The following MGAT5B variants were observed in gnomAD, a reference collection of about 807,000 sequenced individuals.
The protein encoded by MGAT5B is alpha-1,6-mannosylglycoprotein 6-beta-N-acetylglucosaminyltransferase B.
MGAT5B carries 54 observed loss-of-function variants against 95.1 expected under a neutral mutation model. That is an observed-to-expected ratio of 0.57 (90% CI 0.46 to 0.71). MGAT5B has a LOEUF of 0.71. Ranked by LOEUF, MGAT5B falls within the 30% of genes least tolerant of loss-of-function variation. MGAT5B has a pLI of 0.00. For synonymous variants in MGAT5B, 464 were observed against 451.0 expected (o/e 1.03, Z -0.36); for missense variants, 935 against 1,088.6 (o/e 0.86, Z 1.99).
intron 3 of MGAT5B, among the ~76,000 whole-genome samples, chr17:76,887,878 T>A (rs553624811): frequency 6.6e-6 from 1 of 151,850 alleles, no homozygotes. Flanking sequence ...TTCTAAGTCA[T>A]CAATAAGTGT....
At chr17:76,934,737 T>G (rs1969599380) in intron 12 of MGAT5B, among the ~76,000 whole-genome samples, 1 of 152,240 alleles carries the variant, frequency 6.6e-6, no homozygotes, top group Non-Finnish European at 1.5e-5. Flanking sequence ...CTGGAACTTC[T>G]GTGATAGCCC....
chr17:76,916,710 G>A lies in MGAT5B; in HGVS notation c.1026-8256G>A, dbSNP rs77784873. On this transcript the variant is annotated intron_variant, in intron 8 of 17. Coordinates refer to ENST00000569840, the MANE Select transcript of MGAT5B (RefSeq NM_001199172.2). This position sits in a 1 kb window ranked among gnomAD's most constrained non-coding sequence, Gnocchi z 5.3. ...CGGAGGCAGGATTCATCCCTGGGGA[G>A]GAGGCATCAGGGCCTCTGTGAATCT... Among the ~76,000 whole-genome samples, 1,432 of 152,320 alleles carry A rather than the reference G, an allele frequency of 9.4e-3. 27 individuals carry two copies. Among genetic ancestry groups the A allele is most frequent in the African/African-American group, 0.033 (1,374 of 41,574 alleles).
intron 3 of MGAT5B, chr17:76,882,539 G>T: frequency 2.3e-6 from 1 of 438,552 alleles, no homozygotes; most frequent in Non-Finnish European, 3.9e-6. Context: ...GCCTTTTAAT[G>T]ACTTCTCCCT....
Position 76,926,663 on chromosome 17 carries a change from G to A in MGAT5B, c.1224G>A (p.Thr408=), listed in dbSNP as rs763932831. Residue 408 remains threonine (T), a synonymous_variant, in exon 10 of 18, where the codon ACG becomes ACA. Transcript: ENST00000569840. ...EPAYNHEEYA[T]LHGYRTNWGY... is the part of the protein sequence containing the mutation. ...CGTACAACCACGAGGAGTACGCCAC[G>A]CTGCACGGCTACCGGACCAACTGGG... 128 of 1,612,592 alleles carry A rather than the reference G, an allele frequency of 7.9e-5. No homozygotes were observed. Among genetic ancestry groups the A allele is most frequent in the Non-Finnish European group, 1.1e-4 (124 of 1,179,936 alleles).
rs1355545491 is a variant in MGAT5B, at chr17:76,916,917, G to A, written c.1026-8049G>A. Among the ~76,000 whole-genome samples, 1 of 152,148 alleles carries A rather than the reference G, an allele frequency of 6.6e-6. No homozygotes were observed. The highest frequency in any genetic ancestry group is 1.5e-5 in the Non-Finnish European group (1 of 68,032). The stretch of plus-strand genomic sequence containing the variant: ...CACCCACGGGAAGGGTCAAACTCAG[G>A]GGTTCCCGCCTCTTAGAAACTGGGG... On this transcript the variant is annotated intron_variant, in intron 8 of 17. Transcript: ENST00000569840. This position sits in a 1 kb window ranked among gnomAD's most constrained non-coding sequence, Gnocchi z 5.3.
At chr17:76,913,135 GTCAAGCAT>G (rs1968803555) in intron 8 of MGAT5B, among the ~76,000 whole-genome samples, 1 of 152,222 alleles carries the variant, frequency 6.6e-6, no homozygotes, top group Non-Finnish European at 1.5e-5. Context: ...ACTCCTGGCT[GTCAAGCAT>G]GCAGCCAGGC....
chr17:76,879,933 T>A (rs1297139130), intron 2 of MGAT5B, among the ~76,000 whole-genome samples: 1 of 152,026 alleles, frequency 6.6e-6, no homozygotes, highest in Non-Finnish European at 1.5e-5. Flanking sequence ...ACCGATTGAG[T>A]GTGTGAGTGC....
chr17:76,892,294 C>T (rs1400843515), intron 3 of MGAT5B, among the ~76,000 whole-genome samples: 7 of 152,238 alleles, frequency 4.6e-5, no homozygotes, highest in East Asian at 1.9e-4. Flanking sequence ...GTGATCCGCC[C>T]GCCCCGGCCT....
chr17:76,906,091 C>A lies in MGAT5B; in HGVS notation c.929C>A (p.Pro310His). The change falls in exon 8 of 18, where the codon CCC becomes CAC. Residue 310 changes from proline to histidine, a missense_variant. Pro to His is a moderately conservative substitution (Grantham distance 77). Coordinates refer to ENST00000569840, the MANE Select transcript of MGAT5B (RefSeq NM_001199172.2). The surrounding 1 kb of genome is among the most constrained non-coding windows in gnomAD (Gnocchi z 4.6). Reference protein sequence around the residue: ...VFSPRVLKGGPLGEMVQWADI... With the variant: ...VFSPRVLKGGHLGEMVQWADI... ...AGCCCTCGGGTCCTGAAGGGCGGGC[C>A]CCTAGGGGAGATGGTGCAGTGGGCG... 1 of 1,607,748 alleles carries A rather than the reference C, an allele frequency of 6.2e-7. No homozygotes were observed. Among genetic ancestry groups the A allele is most frequent in the East Asian group, 2.3e-5 (1 of 44,154 alleles).
Position 76,923,133 on chromosome 17 carries a change from A to G in MGAT5B, c.1026-1833A>G, listed in dbSNP as rs1011434603. Reference sequence around the variant, plus strand: ...ACGGTGTGCTAACGGGATGGTGCGCACAGTCCCCTCCCCGAGCTTCTGAGC... The same window carrying G: ...ACGGTGTGCTAACGGGATGGTGCGCGCAGTCCCCTCCCCGAGCTTCTGAGC... On this transcript the variant is annotated intron_variant, in intron 8 of 17. Transcript: ENST00000569840. 2.0e-5 allele frequency among the ~76,000 whole-genome samples: 3 copies of G among 152,310 alleles called. No homozygotes were observed. In the East Asian group the frequency reaches 5.8e-4, roughly 29 times the overall value.
At chr17:76,888,275 C>T (rs1967735451) in intron 3 of MGAT5B, among the ~76,000 whole-genome samples, 1 of 152,054 alleles carries the variant, frequency 6.6e-6, no homozygotes, top group Non-Finnish European at 1.5e-5. Flanking sequence ...AGTGCGAATG[C>T]AAGCCAGGCT....
intron 3 of MGAT5B, among the ~76,000 whole-genome samples, chr17:76,891,663 A>C (rs1003742517): frequency 6.6e-6 from 1 of 152,198 alleles, no homozygotes; most frequent in Non-Finnish European, 1.5e-5. Flanking sequence ...TACAGGCGTG[A>C]GCCACTGCGC....
intron 8 of MGAT5B, among the ~76,000 whole-genome samples, chr17:76,922,223 A>T (rs1251665760): frequency 1.3e-5 from 2 of 152,230 alleles, no homozygotes; most frequent in African/African-American, 2.4e-5. Flanking sequence ...TTCCTGGTGC[A>T]GGTAGCAGCT....
intron 15 of MGAT5B, 48 bp from the exon 16 acceptor site, chr17:76,946,328 A>G (rs1294475401): frequency 6.5e-7 from 1 of 1,530,170 alleles, no homozygotes; most frequent in Non-Finnish European, 8.9e-7. Context: ...AGGGCCCCCG[A>G]CGGCTGGGCC....
intron 8 of MGAT5B, among the ~76,000 whole-genome samples, chr17:76,911,690 CCAGG>C (rs1968742665): frequency 6.6e-6 from 1 of 152,234 alleles, no homozygotes; most frequent in Non-Finnish European, 1.5e-5. Flanking sequence ...CTGTGAGCTC[CCAGG>C]CACATTCCCT....
At chr17:76,925,154 T>G (rs1351463528) in intron 9 of MGAT5B, 57 bp downstream of exon 9, 34 of 1,601,882 alleles carry the variant, frequency 2.1e-5, no homozygotes, top group Non-Finnish European at 2.7e-5. Context: ...AGAAAGCTCC[T>G]CCTTCACGCC....
chr17:76,898,491 G>C (rs1425916677), intron 3 of MGAT5B, among the ~76,000 whole-genome samples: 2 of 151,754 alleles, frequency 1.3e-5, no homozygotes, highest in Non-Finnish European at 2.9e-5. Context: ...ACCACACCCG[G>C]CTAATTTTTT....
chr17:76,933,214 A>C, intron 11 of MGAT5B, 78 bp from the exon 12 acceptor site: 1 of 1,581,890 alleles, frequency 6.3e-7, no homozygotes, highest in African/African-American at 1.3e-5. Flanking sequence ...AGCTGCCTGC[A>C]TGGGGTGTTG....
At chr17:76,876,820 C>T (rs1285910500) in intron 2 of MGAT5B, among the ~76,000 whole-genome samples, 1 of 152,212 alleles carries the variant, frequency 6.6e-6, no homozygotes, top group African/African-American at 2.4e-5. Flanking sequence ...GGAGATCTGA[C>T]TTCTTTCCCT....
Sources: allele counts gnomAD v4.1 joint callset (sites outside exome capture counted in the v4.1 genomes callset), GRCh38; gene constraint gnomAD v4.1.1; non-coding constraint Gnocchi (gnomAD v3.1); transcripts MANE v1.5; gene names NCBI Gene and HGNC (gene_info 2026-07-23, HGNC 2026-07-21).